NR2C2: variants seen among roughly 807,000 people sequenced by gnomAD.
NR2C2 encodes Nuclear hormone receptor TR4.
In NR2C2, 6 loss-of-function variants were observed where a neutral mutation model predicts 62.9. The observed-to-expected ratio is 0.10, with a 90% CI of 0.05 to 0.19. The LOEUF is 0.19. NR2C2 is among the 10% of genes least tolerant of loss of function. NR2C2 has a pLI of 1.00. For missense variants in NR2C2, 479 were observed against 762.7 expected, an observed-to-expected ratio of 0.63 and a Z score of 4.38; for synonymous variants, 272 against 273.8, an observed-to-expected ratio of 0.99 and a Z score of 0.07.
At chr3:14,962,625 G>GA (rs922543928) in intron 1 of NR2C2, 11 of 142,354 alleles carry the variant, frequency 7.7e-5, no homozygotes, top group Admixed American at 2.1e-4. Context: ...TGTCATGGGA[G>GA]AAAAAAATGA....
chr3:14,981,895 T>C (rs1315566108), intron 1 of NR2C2, among the ~76,000 whole-genome samples: 1 of 152,196 alleles, frequency 6.6e-6, no homozygotes, highest in Non-Finnish European at 1.5e-5. Flanking sequence ...GGCAGTCTAG[T>C]CCTTCCATGT....
chr3:15,009,925 G>T (rs993537712), intron 2 of NR2C2, among the ~76,000 whole-genome samples: 1 of 152,042 alleles, frequency 6.6e-6, no homozygotes, highest in Non-Finnish European at 1.5e-5. Context: ...TCCAATCTCT[G>T]CCTCCATTGC....
chr3:14,957,006 T>C (rs2039545846), intron 1 of NR2C2, among the ~76,000 whole-genome samples: 1 of 152,234 alleles, frequency 6.6e-6, no homozygotes, highest in African/African-American at 2.4e-5. Flanking sequence ...CAATGATAGC[T>C]ACCATGTGTT....
At position 15,030,200 on chromosome 3, in the gene NR2C2, A is replaced by G. The variant is rs931892728; in HGVS notation, c.933-75A>G. On this transcript the variant is annotated intron_variant, in intron 8 of 13. Coordinates refer to ENST00000425241, the MANE Select transcript of NR2C2 (RefSeq NM_001291694.2). ...TATCTTTTCCCACTGTAGTTTTTCT[A>G]AATCATAGCTAGAATTCTGTTCCCC... The G allele has an allele frequency of 2.5e-5, 31 of 1,264,088 alleles. No individual in the cohort carries two copies. The African/African-American group carries it at 4.3e-4, about 17-fold the overall frequency. 78.3% of individuals were successfully genotyped at this position (1,264,088 alleles called of 1,614,324 possible). A position where few individuals can be genotyped will look rare whatever the true frequency, so the allele number is the denominator to read the frequency against.
At chr3:14,981,777 C>G (rs769528653) in intron 1 of NR2C2, among the ~76,000 whole-genome samples, 1 of 152,152 alleles carries the variant, frequency 6.6e-6, no homozygotes, top group Non-Finnish European at 1.5e-5. Context: ...GAGCCCCTGG[C>G]AGGCCACTGG....
At chr3:15,039,685 A>G (rs142506578) in intron 13 of NR2C2, among the ~76,000 whole-genome samples, 54 of 152,338 alleles carry the variant, frequency 3.5e-4, no homozygotes, top group African/African-American at 1.2e-3. Context: ...TACTTGACAG[A>G]AAAGTGCTTA....
At chr3:15,036,214 G>A (rs2042099368) in intron 11 of NR2C2, among the ~76,000 whole-genome samples, 1 of 151,890 alleles carries the variant, frequency 6.6e-6, no homozygotes, top group Admixed American at 6.6e-5. Context: ...AAAAACTAGG[G>A]CACAAACCTG....
intron 10 of NR2C2, among the ~76,000 whole-genome samples, chr3:15,033,604 C>T (rs1410844903): frequency 6.7e-6 from 1 of 149,874 alleles, no homozygotes; most frequent in East Asian, 1.9e-4. Flanking sequence ...ATGGCCTACC[C>T]CTTGCTACTA....
intron 1 of NR2C2, among the ~76,000 whole-genome samples, chr3:14,978,118 T>C (rs1377680781): frequency 6.6e-6 from 1 of 152,172 alleles, no homozygotes; most frequent in African/African-American, 2.4e-5. Flanking sequence ...AGTGTTTTTG[T>C]ACATGTGTAA....
chr3:15,032,580 G>A, intron 10 of NR2C2, 80 bp downstream of exon 10: 3 of 1,560,934 alleles, frequency 1.9e-6, no homozygotes, highest in Non-Finnish European at 2.6e-6. Flanking sequence ...AACTCTGAGG[G>A]CCTGTCTAGT....
rs1401780488 is a variant in NR2C2, at chr3:15,043,989, T to A, written c.*981T>A. 3.3e-5 allele frequency: 5 copies of A among 152,138 alleles called. No individual in the cohort carries two copies. The East Asian group carries it at 9.6e-4, about 29-fold the overall frequency. The allele number at this position is 152,138 out of a possible 1,614,324, so 9.4% of individuals were successfully genotyped here. ...GCTCTTGACAGTACTTCCAATACAA[T>A]TGGGGGTGCTTGTGTGTTTGTCCAG... On this transcript the variant is annotated 3_prime_UTR_variant, in exon 14 of 14. Coordinates refer to ENST00000425241, the MANE Select transcript of NR2C2 (RefSeq NM_001291694.2).
chr3:15,039,070 G>A, intron 12 of NR2C2, 52 bp from the exon 13 acceptor site: 2 of 1,341,060 alleles, frequency 1.5e-6, no homozygotes, highest in Non-Finnish European at 2.1e-6. Flanking sequence ...GTCTACAAGT[G>A]AGACTTTTCA....
rs138505283 is a variant in NR2C2 at position 15,031,458 on chromosome 3, C to A, written c.1111-921C>A. Among the ~76,000 whole-genome samples, 294 of 152,122 alleles carry A rather than the reference C, an allele frequency of 1.9e-3. 1 individual carries two copies. The highest frequency in any genetic ancestry group is 6.7e-3 in the African/African-American group (279 of 41,502). Reference sequence around the variant, plus strand: ...AACCTCAAACTCCTGGTCTTGAACTCCTGGGCTCAGGTGATCCTCCTGCCT... The same window carrying A: ...AACCTCAAACTCCTGGTCTTGAACTACTGGGCTCAGGTGATCCTCCTGCCT... On this transcript the variant is annotated intron_variant, in intron 9 of 13. Transcript: ENST00000425241.
At chr3:14,959,810 C>G (rs777335205) in intron 1 of NR2C2, among the ~76,000 whole-genome samples, 2 of 151,940 alleles carry the variant, frequency 1.3e-5, no homozygotes, top group African/African-American at 4.8e-5. Flanking sequence ...TGGTGGTGAC[C>G]AAGAGAAAGA....
chr3:14,996,832 G>T (rs1341159883), intron 1 of NR2C2, among the ~76,000 whole-genome samples: 3 of 152,208 alleles, frequency 2.0e-5, no homozygotes, highest in Non-Finnish European at 4.4e-5. Context: ...AAAATGCTGG[G>T]ATTACAGGTG....
intron 1 of NR2C2, among the ~76,000 whole-genome samples, chr3:14,975,500 A>G (rs923626857): frequency 5.3e-5 from 8 of 152,130 alleles, no homozygotes; most frequent in Non-Finnish European, 8.8e-5. Context: ...CATTCTTTTA[A>G]TGAGAGGTAC....
At chr3:14,959,364 A>C (rs796972199) in intron 1 of NR2C2, among the ~76,000 whole-genome samples, 1 of 152,228 alleles carries the variant, frequency 6.6e-6, no homozygotes, top group Non-Finnish European at 1.5e-5. Context: ...AGAATAGGCT[A>C]TATGGTTTGT....
At chr3:15,025,340 C>A (rs573361072) in intron 7 of NR2C2, among the ~76,000 whole-genome samples, 42 of 152,380 alleles carry the variant, frequency 2.8e-4, no homozygotes, top group Admixed American at 1.2e-3. Flanking sequence ...TTCGTAGCCA[C>A]ATGCTTCTTT....
intron 1 of NR2C2, among the ~76,000 whole-genome samples, chr3:15,001,310 T>A (rs1283951896): frequency 2.0e-5 from 3 of 150,136 alleles, no homozygotes; most frequent in Admixed American, 6.6e-5. Context: ...ATTGTGTTTT[T>A]GTTTTGGGTT....
Sources: allele counts gnomAD v4.1 joint callset (sites outside exome capture counted in the v4.1 genomes callset), GRCh38; gene constraint gnomAD v4.1.1; transcripts MANE v1.5; gene names NCBI Gene and HGNC (gene_info 2026-07-23, HGNC 2026-07-21).